KMT2A: variants seen among roughly 807,000 people sequenced by gnomAD.
The protein encoded by KMT2A is histone-lysine N-methyltransferase 2A.
A neutral mutation model predicts 345.3 loss-of-function variants in KMT2A; 16 were observed. That is an observed-to-expected ratio of 0.05 (90% CI 0.03 to 0.07). The LOEUF is 0.07. Ranked by LOEUF, KMT2A falls within the 10% of genes least tolerant of loss-of-function variation. The pLI is 1.00. For synonymous variants in KMT2A, 1,599 were observed against 1,778.6 expected, an observed-to-expected ratio of 0.90 and a Z score of 2.54; for missense variants, 3,272 against 4,841.6, an observed-to-expected ratio of 0.68 and a Z score of 9.62.
chr11:118,477,498 CTTTTTTTT>C (rs11430367), intron 4 of KMT2A, among the ~76,000 whole-genome samples: 21 of 56,942 alleles, frequency 3.7e-4, no homozygotes, highest in African/African-American at 1.1e-3. Flanking sequence ...AAGTTATTGG[CTTTTTTTT>C]TTTTTTTTTT....
At position 118,491,498 on chromosome 11, in the gene KMT2A, T is replaced by C. The variant is rs1950323669; in HGVS notation, c.4819+180T>C. On this transcript the variant is annotated intron_variant, in intron 14 of 35. Coordinates refer to ENST00000534358, the MANE Select transcript of KMT2A (RefSeq NM_001197104.2). This position sits in a 1 kb window ranked among gnomAD's most constrained non-coding sequence, Gnocchi z 4.2. ...TGCTCACTTATCTTGAATATATGCC[T>C]TTAAAGTATTTATTTGCTGTCCTTT... 6.6e-6 allele frequency among the ~76,000 whole-genome samples: 1 copy of C among 152,220 alleles called. No individual in the cohort carries two copies. Among genetic ancestry groups the C allele is most frequent in the Non-Finnish European group, 1.5e-5 (1 of 68,044 alleles).
intron 15 of KMT2A, among the ~76,000 whole-genome samples, chr11:118,492,308 G>A (rs1403790729): frequency 4.6e-5 from 7 of 152,220 alleles, no homozygotes; most frequent in African/African-American, 1.7e-4. Context: ...TTAGGGGACA[G>A]TTATAGTAAT....
rs1950395804 is a variant in KMT2A at position 118,495,585 on chromosome 11, A to G, written c.5364-115A>G. 1 of 695,064 alleles carries G rather than the reference A, an allele frequency of 1.4e-6. No individual in the cohort carries two copies. Among genetic ancestry groups the G allele is most frequent in the Non-Finnish European group, 2.3e-6 (1 of 440,322 alleles). The allele number at this position is 695,064 out of a possible 1,614,324, so 43.1% of individuals were successfully genotyped here. A position where few individuals can be genotyped will look rare whatever the true frequency, so the allele number is the denominator to read the frequency against. On this transcript the variant is annotated intron_variant, in intron 18 of 35. Transcript: ENST00000534358. The surrounding 1 kb of genome is among the most constrained non-coding windows in gnomAD (Gnocchi z 4.1). ...TTTTCAAACGCTGTGACTTGTTCTT[A>G]TATTCTGTGAATGGCTCCTACATGG...
At chr11:118,509,245 A>G (rs375244485) in intron 29 of KMT2A, 45 bp downstream of exon 29, 9 of 1,463,274 alleles carry the variant, frequency 6.2e-6, no homozygotes, top group South Asian at 3.5e-5. Context: ...TATCAATGCT[A>G]AAAGGATTAT....
At chr11:118,467,048 C>G (rs1949857374) in intron 1 of KMT2A, among the ~76,000 whole-genome samples, 1 of 151,756 alleles carries the variant, frequency 6.6e-6, no homozygotes, top group Non-Finnish European at 1.5e-5. Flanking sequence ...GTCTGTGTTC[C>G]TTAAATTTAG....
At chr11:118,475,664 A>G (rs1307975353) in intron 3 of KMT2A, among the ~76,000 whole-genome samples, 2 of 152,126 alleles carry the variant, frequency 1.3e-5, no homozygotes, top group Non-Finnish European at 2.9e-5. Flanking sequence ...CGGAGGTTGC[A>G]GTGAGCCGAG....
Position 118,502,208 on chromosome 11 carries a change from G to A in KMT2A, c.6506-190G>A, listed in dbSNP as rs9332835. Among the ~76,000 whole-genome samples the A allele has an allele frequency of 0.041, 6,288 of 152,020 alleles. 181 individuals carry two copies. Among genetic ancestry groups the A allele is most frequent in the South Asian group, 0.067 (324 of 4,814 alleles). On this transcript the variant is annotated intron_variant, in intron 26 of 35. Coordinates refer to ENST00000534358, the MANE Select transcript of KMT2A (RefSeq NM_001197104.2). This position sits in a 1 kb window ranked among gnomAD's most constrained non-coding sequence, Gnocchi z 4.9. ...GTGGAGGTTGCAGTAAGCCGAGATC[G>A]CACCACTGCACTCCAGCTTGGGTGA...
chr11:118,437,052 G>A (rs1949200798), intron 1 of KMT2A, 108 bp downstream of exon 1: 13 of 1,275,586 alleles, frequency 1.0e-5, no homozygotes, highest in Non-Finnish European at 1.2e-5. Flanking sequence ...CCATCTCGGG[G>A]TCCCTGACCC....
At chr11:118,518,726 G>A (rs1319942965) in intron 31 of KMT2A, among the ~76,000 whole-genome samples, 3 of 143,894 alleles carry the variant, frequency 2.1e-5, no homozygotes, top group African/African-American at 7.8e-5. Flanking sequence ...GAGTTGTAGC[G>A]AGCTGAGATC....
rs1949963773 is a variant in KMT2A, at chr11:118,472,677, C to T, written c.1518C>T (p.Thr506=). The T allele has an allele frequency of 3.7e-6, 6 of 1,612,966 alleles. No homozygotes were observed. The highest frequency in any genetic ancestry group is 2.7e-5 in the African/African-American group (2 of 74,474). ...TACTTCCTGAGGAGCGGAGCGATAC[C>T]CCTGAAGTTCATCCTCCACTGCCCA... ...IQVLPEERSD[T]PEVHPPLPIS... The change falls in exon 3 of 36, where the codon ACC becomes ACT. Residue 506 remains threonine, a synonymous_variant. Transcript: ENST00000534358.
rs1225260191 is a variant in KMT2A at position 118,522,467 on chromosome 11, C to G, written c.*295C>G. On this transcript the variant is annotated 3_prime_UTR_variant, in exon 36 of 36. Transcript: ENST00000534358. The surrounding 1 kb of genome is among the most constrained non-coding windows in gnomAD (Gnocchi z 5.4). ...CCTAGCAGACTTGCCTGGAAGGAGC[C>G]TATTATAGAGGGTTGGTTATGTTGG... 1 of 389,650 alleles carries G rather than the reference C, an allele frequency of 2.6e-6. No individual in the cohort carries two copies. The highest frequency in any genetic ancestry group is 4.7e-6 in the Non-Finnish European group (1 of 210,684). The allele number at this position is 389,650 out of a possible 1,614,324, so 24.1% of individuals were successfully genotyped here.
At chr11:118,474,698 A>G (rs7128022) in intron 3 of KMT2A, among the ~76,000 whole-genome samples, 2,400 of 152,290 alleles carry the variant, frequency 0.016, 68 homozygotes, top group African/African-American at 0.055. Context: ...CCAGGGACTT[A>G]ATTGTAAAGG....
chr11:118,441,343 A>G (rs1949309616), intron 1 of KMT2A, among the ~76,000 whole-genome samples: 1 of 152,160 alleles, frequency 6.6e-6, no homozygotes, highest in Non-Finnish European at 1.5e-5. Flanking sequence ...AGAAATTTCA[A>G]CTTGGAAAGT....
intron 1 of KMT2A, among the ~76,000 whole-genome samples, chr11:118,457,134 T>G (rs1949658821): frequency 1.3e-5 from 2 of 151,992 alleles, no homozygotes; most frequent in African/African-American, 4.8e-5. Context: ...CCAAATCTAA[T>G]CATACTTCTC....
chr11:118,511,991 A>G lies in KMT2A; in HGVS notation c.11112A>G (p.Arg3704=), dbSNP rs2134438729. Residue 3704 remains arginine, a synonymous_variant, in exon 31 of 36, where the codon CGA becomes CGG. Transcript: ENST00000534358. ...TGACAGATAAAGTCCAGGAAGCTCGATCAAATGCCCGCCTAAAGCAGCTCT... is the reference window on the plus strand; with the variant it reads ...TGACAGATAAAGTCCAGGAAGCTCGGTCAAATGCCCGCCTAAAGCAGCTCT... ...KSLTDKVQEA[R]SNARLKQLSF... 6.2e-7 allele frequency: 1 copy of G among 1,614,156 alleles called. No homozygotes were observed. The highest frequency in any genetic ancestry group is 1.7e-5 in the Admixed American group (1 of 60,020).
intron 32 of KMT2A, 25 bp from the exon 33 acceptor site, chr11:118,519,932 A>C (rs1195974126): frequency 6.3e-7 from 1 of 1,594,094 alleles, no homozygotes; most frequent in African/African-American, 1.3e-5. Context: ...ATTTCTCTAA[A>C]TATGTTTTAA....
intron 12 of KMT2A, 63 bp downstream of exon 12, chr11:118,489,950 C>T: frequency 6.7e-7 from 1 of 1,495,650 alleles, no homozygotes. Flanking sequence ...ACTTATGTAA[C>T]TTGTATTACA....
At chr11:118,477,007 A>G in intron 4 of KMT2A, 25 bp downstream of exon 4, 1 of 1,610,634 alleles carries the variant, frequency 6.2e-7, no homozygotes, top group Non-Finnish European at 8.5e-7. Context: ...TCAATCTTGG[A>G]GTCGGAACAG....
intron 31 of KMT2A, among the ~76,000 whole-genome samples, chr11:118,513,735 A>G (rs1405543120): frequency 1.3e-5 from 2 of 151,976 alleles, no homozygotes; most frequent in Non-Finnish European, 2.9e-5. Context: ...GTTCAAGACC[A>G]TCCTGGGCAA....
Sources: gnomAD v4.1 joint callset for allele counts (sites outside exome capture counted in the v4.1 genomes callset) on GRCh38, gnomAD v4.1.1 for gene constraint, Gnocchi (gnomAD v3.1) non-coding constraint, MANE v1.5 for transcripts, NCBI Gene and HGNC (gene_info 2026-07-23, HGNC 2026-07-21) for gene names.